Variants in ABCA12 observed in about 807,000 individuals in gnomAD.
ABCA12 encodes glucosylceramide transporter ABCA12.
ABCA12 carries 156 observed loss-of-function variants against 293.5 expected under a neutral mutation model. That is an observed-to-expected ratio of 0.53 (90% CI 0.47 to 0.61). The LOEUF is 0.61. ABCA12 is among the 20% of genes least tolerant of loss of function. The pLI, the probability that ABCA12 is intolerant of heterozygous loss-of-function variation, is 0.00. For missense variants in ABCA12, 2,797 were observed against 3,090.2 expected, an observed-to-expected ratio of 0.91 and a Z score of 2.25; for synonymous variants, 1,063 against 1,108.0, an observed-to-expected ratio of 0.96 and a Z score of 0.81.
intron 7 of ABCA12, among the ~76,000 whole-genome samples, chr2:215,040,090 T>A (rs751374442): frequency 1.8e-4 from 27 of 152,166 alleles, no homozygotes; most frequent in Non-Finnish European, 3.5e-4. Flanking sequence ...TTTTAAAATT[T>A]AAATTAATCA....
intron 49 of ABCA12, 130 bp from the exon 50 acceptor site, chr2:214,943,147 T>TA: frequency 1.4e-6 from 1 of 739,988 alleles, no homozygotes; most frequent in East Asian, 2.8e-5. Flanking sequence ...TTTTCTTTGT[T>TA]ATTTTTTTGA....
At chr2:215,128,417 T>C (rs182983811) in intron 1 of ABCA12, among the ~76,000 whole-genome samples, 1 of 152,350 alleles carries the variant, frequency 6.6e-6, no homozygotes, top group African/African-American at 2.4e-5. Flanking sequence ...AATTCTCTTC[T>C]TCCTTAGGAA....
At chr2:215,005,022 CT>C (rs1325301578) in intron 19 of ABCA12, among the ~76,000 whole-genome samples, 1 of 152,168 alleles carries the variant, frequency 6.6e-6, no homozygotes, top group Non-Finnish European at 1.5e-5. Flanking sequence ...GAAGACATAA[CT>C]TCTATCACTC....
Position 215,111,709 on chromosome 2 carries a change from A to G in ABCA12, c.70-19T>C. Reference sequence around the variant, plus strand: ...TCCAAAGCTGCAAAATAATGGTAGAAAAAATTGTTAGTTTTATTGTTGAAC... The same window carrying G: ...TCCAAAGCTGCAAAATAATGGTAGAGAAAATTGTTAGTTTTATTGTTGAAC... On this transcript the variant is annotated intron_variant, in intron 1 of 52. Coordinates refer to ENST00000272895, the MANE Select transcript of ABCA12 (RefSeq NM_173076.3). 4 of 1,586,920 alleles carry G rather than the reference A, an allele frequency of 2.5e-6. No individual in the cohort carries two copies. Among genetic ancestry groups the G allele is most frequent in the Non-Finnish European group, 3.5e-6 (4 of 1,156,162 alleles).
intron 49 of ABCA12, among the ~76,000 whole-genome samples, chr2:214,943,730 A>G (rs1436622743): frequency 5.3e-5 from 8 of 152,056 alleles, no homozygotes; most frequent in South Asian, 2.1e-4. Flanking sequence ...TTTTGGATTT[A>G]TAACTAGTTG....
At chr2:214,969,824 G>C (rs558033057) in intron 37 of ABCA12, among the ~76,000 whole-genome samples, 40 of 152,170 alleles carry the variant, frequency 2.6e-4, no homozygotes, top group African/African-American at 7.7e-4. Context: ...TTGTGTCCAT[G>C]ACAAATGCTT....
chr2:214,983,696 T>C lies in ABCA12; in HGVS notation c.4333A>G (p.Ile1445Val), dbSNP rs143198868. Residue 1445 changes from isoleucine (I) to valine (V), a missense_variant, in exon 29 of 53, where the codon ATC becomes GTC. Transcript: ENST00000272895. ...TKEHLLLYGS[I>V]KVPHWTKKQL... Reference sequence around the variant, plus strand: ...TTTTTAGTCCAGTGAGGAACTTTGATGGAACCATATAGGAGAAGGTGCTCC... The same window carrying C: ...TTTTTAGTCCAGTGAGGAACTTTGACGGAACCATATAGGAGAAGGTGCTCC... The C allele has an allele frequency of 6.8e-6, 11 of 1,614,016 alleles. No homozygotes were observed. The African/African-American group carries it at 1.2e-4, about 18-fold the overall frequency.
At chr2:215,055,839 C>T (rs1042012719) in intron 3 of ABCA12, among the ~76,000 whole-genome samples, 1 of 151,952 alleles carries the variant, frequency 6.6e-6, no homozygotes, top group African/African-American at 2.4e-5. Context: ...ACTGTATGCC[C>T]CTAATCTTTT....
chr2:215,086,890 C>A (rs1702050542), intron 2 of ABCA12, among the ~76,000 whole-genome samples: 1 of 151,702 alleles, frequency 6.6e-6, no homozygotes, highest in Non-Finnish European at 1.5e-5. Context: ...GACAAAGACC[C>A]ACAGAACTTA....
At chr2:214,950,775 G>C in intron 45 of ABCA12, 104 bp downstream of exon 45, 1 of 1,282,550 alleles carries the variant, frequency 7.8e-7, no homozygotes, top group Admixed American at 1.8e-5. Flanking sequence ...AAAGTGCTAA[G>C]ATTACAGGTG....
chr2:214,954,218 G>T, intron 43 of ABCA12, 111 bp from the exon 44 acceptor site: 1 of 1,177,192 alleles, frequency 8.5e-7, no homozygotes, highest in Non-Finnish European at 1.2e-6. Flanking sequence ...AGCTTATCTA[G>T]ATTGGCAATT....
At chr2:214,958,885 G>T in intron 40 of ABCA12, 139 bp downstream of exon 40, 1 of 972,118 alleles carries the variant, frequency 1.0e-6, no homozygotes. Context: ...AACTTCCTTT[G>T]ATCCCAGTCA....
At chr2:215,109,563 T>C (rs1702529060) in intron 2 of ABCA12, among the ~76,000 whole-genome samples, 3 of 152,250 alleles carry the variant, frequency 2.0e-5, no homozygotes, top group African/African-American at 4.8e-5. Flanking sequence ...CTAGTTATTA[T>C]TAGAGTATGA....
At position 215,083,165 on chromosome 2, in the gene ABCA12, A is replaced by T. The variant is rs368943122; in HGVS notation, c.164-18946T>A. On this transcript the variant is annotated intron_variant, in intron 2 of 52. Transcript: ENST00000272895. ...GTTCTCTGGAGATGAGTACACTTAA[A>T]CCAGACTAATAGATCTTGTTACTGA... Among the ~76,000 whole-genome samples the T allele has an allele frequency of 2.0e-5, 3 of 152,220 alleles. No homozygotes were observed. In the East Asian group the frequency reaches 5.8e-4, roughly 29 times the overall value.
intron 2 of ABCA12, among the ~76,000 whole-genome samples, chr2:215,100,758 A>T (rs1225112016): frequency 6.6e-6 from 1 of 152,176 alleles, no homozygotes; most frequent in Non-Finnish European, 1.5e-5. Flanking sequence ...ATAAATCTCC[A>T]GAAGCATCTT....
chr2:215,021,098 C>T (rs1229110611), intron 11 of ABCA12, among the ~76,000 whole-genome samples: 1 of 152,206 alleles, frequency 6.6e-6, no homozygotes, highest in Non-Finnish European at 1.5e-5. Context: ...ATCTGCCGGC[C>T]TCAGCCTCTC....
chr2:215,098,664 C>A (rs767641795), intron 2 of ABCA12, among the ~76,000 whole-genome samples: 18 of 152,170 alleles, frequency 1.2e-4, no homozygotes, highest in Non-Finnish European at 2.6e-4. Context: ...AGCATCTCTA[C>A]AGACATGAGT....
chr2:215,138,319 G>C lies in ABCA12; in HGVS notation c.-111C>G, dbSNP rs1300937996. ...GTCAGTGTATCAGTACCCCTTTCAC[G>C]GCATAGCTTCCTTGAGGGCTGGGGT... On this transcript the variant is annotated 5_prime_UTR_variant, in exon 1 of 53. Transcript: ENST00000272895. 2 of 1,128,062 alleles carry C rather than the reference G, an allele frequency of 1.8e-6. No homozygotes were observed. The highest frequency in any genetic ancestry group is 2.7e-6 in the Non-Finnish European group (2 of 740,110). The allele number at this position is 1,128,062 out of a possible 1,614,324, so 69.9% of individuals were successfully genotyped here. A position where few individuals can be genotyped will look rare whatever the true frequency, so the allele number is the denominator to read the frequency against.
intron 2 of ABCA12, among the ~76,000 whole-genome samples, chr2:215,090,750 A>G (rs1416080438): frequency 3.3e-5 from 5 of 152,042 alleles, no homozygotes; most frequent in African/African-American, 1.2e-4. Flanking sequence ...CTGGGTGACA[A>G]GTACCCACTG....
Sources: allele counts gnomAD v4.1 joint callset (sites outside exome capture counted in the v4.1 genomes callset), GRCh38; gene constraint gnomAD v4.1.1; transcripts MANE v1.5; gene names NCBI Gene and HGNC (gene_info 2026-07-23, HGNC 2026-07-21).